Variants in ESRRB observed in about 807,000 individuals in gnomAD.
The protein encoded by ESRRB is estrogen related receptor beta, also known as steroid hormone receptor ERR2.
Under a neutral mutation model 46.0 loss-of-function variants are expected in ESRRB, and 16 were observed. The ratio of observed to expected loss-of-function variants is 0.35; its 90% CI spans 0.24 to 0.53. The LOEUF (loss-of-function observed/expected upper bound fraction) is 0.53, where lower values mean the gene tolerates loss of function less well. ESRRB is among the 20% of genes least tolerant of loss of function. The pLI, the probability that ESRRB is intolerant of heterozygous loss-of-function variation, is 0.93. For missense variants in ESRRB, 488 were observed against 607.4 expected (o/e 0.80, Z 2.07); for synonymous variants, 246 against 259.6 (o/e 0.95, Z 0.50).
At chr14:76,407,968 C>T (rs1052199501) in intron 1 of ESRRB, among the ~76,000 whole-genome samples, 3 of 152,314 alleles carry the variant, frequency 2.0e-5, no homozygotes, top group South Asian at 4.1e-4. Flanking sequence ...GCAGCCCAGC[C>T]CTAGCACAGA....
At chr14:76,401,478 C>T (rs200697573) in intron 1 of ESRRB, among the ~76,000 whole-genome samples, 4 of 152,152 alleles carry the variant, frequency 2.6e-5, no homozygotes, top group South Asian at 2.1e-4. Flanking sequence ...CTGGGGAGTT[C>T]GCCAAAGAAA....
chr14:76,500,178 AGGAG>A lies in ESRRB; in HGVS notation c.*1727_*1730del. 1.2e-6 allele frequency: 1 copy of A among 843,934 alleles called. No individual in the cohort carries two copies. The highest frequency in any genetic ancestry group is 1.8e-6 in the Non-Finnish European group (1 of 542,180). The allele number at this position is 843,934 out of a possible 1,614,324, so 52.3% of individuals were successfully genotyped here. A position where few individuals can be genotyped will look rare whatever the true frequency, so the allele number is the denominator to read the frequency against. On this transcript the variant is annotated 3_prime_UTR_variant, in exon 7 of 7. Coordinates refer to ENST00000644823, the MANE Select transcript of ESRRB (RefSeq NM_001379180.1). ...GGGACGTGCTGAGGTCATCCCAGAC[AGGAG>A]GGAGGGCTGGCTGAAATCCACAAAC...
intron 1 of ESRRB, among the ~76,000 whole-genome samples, chr14:76,421,282 GCTTAGAGGGCAAAT>G (rs1481052772): frequency 1.3e-5 from 2 of 152,136 alleles, no homozygotes; most frequent in Non-Finnish European, 2.9e-5. Context: ...CATCAGGATG[GCTTAGAGGGCAAAT>G]CTTTGCCTTT....
intron 3 of ESRRB, among the ~76,000 whole-genome samples, chr14:76,477,672 G>A (rs994082363): frequency 1.3e-5 from 2 of 152,220 alleles, no homozygotes; most frequent in Non-Finnish European, 2.9e-5. Context: ...AGAGCAGACA[G>A]GAAGCAAGGG....
intron 2 of ESRRB, among the ~76,000 whole-genome samples, chr14:76,442,449 C>A (rs1168917131): frequency 6.6e-6 from 1 of 151,914 alleles, no homozygotes; most frequent in African/African-American, 2.4e-5. Context: ...GCATTCCAGC[C>A]TGGGCAACAG....
intron 3 of ESRRB, among the ~76,000 whole-genome samples, chr14:76,468,405 C>A (rs1889215734): frequency 9.4e-6 from 1 of 105,826 alleles, no homozygotes; most frequent in African/African-American, 3.8e-5. Context: ...CCCCCCAACA[C>A]CACCACCCCC....
intron 2 of ESRRB, among the ~76,000 whole-genome samples, chr14:76,445,156 G>T (rs1353001177): frequency 1.5e-5 from 2 of 135,626 alleles, no homozygotes; most frequent in Non-Finnish European, 3.1e-5. Flanking sequence ...CTGGGCAACA[G>T]AGCTGGAGTT....
rs557928535 is a variant in ESRRB, at chr14:76,446,525, C to T, written c.460+6775C>T. 3.9e-5 allele frequency among the ~76,000 whole-genome samples: 6 copies of T among 151,934 alleles called. No individual in the cohort carries two copies. In the South Asian group the frequency reaches 8.3e-4, roughly 21 times the overall value. On this transcript the variant is annotated intron_variant, in intron 2 of 6. Coordinates refer to ENST00000644823, the MANE Select transcript of ESRRB (RefSeq NM_001379180.1). ...AGACCTCAACCTGATTGCATTTACT[C>T]GCATATCTAAAGAAAAAAAAATGCC... is the stretch of plus-strand genomic sequence containing the variant.
chr14:76,323,060 G>C (rs2139728534), intron 1 of ESRRB, among the ~76,000 whole-genome samples: 1 of 152,218 alleles, frequency 6.6e-6, no homozygotes, highest in South Asian at 2.1e-4. Flanking sequence ...GAATGCAGTG[G>C]GTGGGGGGCG....
At chr14:76,476,582 A>G (rs1566607366) in intron 3 of ESRRB, among the ~76,000 whole-genome samples, 1 of 152,234 alleles carries the variant, frequency 6.6e-6, no homozygotes, top group Admixed American at 6.5e-5. Flanking sequence ...TGCCCATTGT[A>G]TCAGTCAGTG....
intron 1 of ESRRB, among the ~76,000 whole-genome samples, chr14:76,327,180 G>C (rs544414615): frequency 4.6e-5 from 7 of 152,346 alleles, no homozygotes; most frequent in African/African-American, 1.4e-4. Context: ...CAAGAGGCCT[G>C]GTGTCCTGGT....
chr14:76,441,547 A>G (rs190806584), intron 2 of ESRRB, among the ~76,000 whole-genome samples: 2 of 152,268 alleles, frequency 1.3e-5, no homozygotes, highest in East Asian at 1.9e-4. Context: ...CCTGGGCTCA[A>G]ATGATCCACT....
intron 1 of ESRRB, among the ~76,000 whole-genome samples, chr14:76,358,327 G>A (rs7493987): frequency 0.31 from 3,404 of 10,842 alleles, 719 homozygotes; most frequent in Middle Eastern, 0.35. Context: ...AAAAAAAAAA[G>A]AAAGAAAGAA....
chr14:76,429,586 A>G (rs1887348690), intron 1 of ESRRB, among the ~76,000 whole-genome samples: 1 of 152,096 alleles, frequency 6.6e-6, no homozygotes, highest in African/African-American at 2.4e-5. Flanking sequence ...CCCCGTCTCT[A>G]CTAAAAATAC....
rs558892249 is a variant in ESRRB at position 76,442,189 on chromosome 14, A to G, written c.460+2439A>G. ...TCAGTTACTTCATCTAAAAAGTGAG[A>G]TATCAGCTGGGCGTGGTGGCTCACG... is the stretch of plus-strand genomic sequence containing the variant. On this transcript the variant is annotated intron_variant, in intron 2 of 6. Transcript: ENST00000644823. Among the ~76,000 whole-genome samples the G allele has an allele frequency of 2.0e-5, 3 of 152,204 alleles. No homozygotes were observed. In the South Asian group the frequency reaches 6.2e-4, roughly 32 times the overall value.
At chr14:76,353,701 C>G (rs932004169) in intron 1 of ESRRB, among the ~76,000 whole-genome samples, 2 of 152,168 alleles carry the variant, frequency 1.3e-5, no homozygotes, top group African/African-American at 4.8e-5. Flanking sequence ...CCTGTAATCC[C>G]AGCACTTCAG....
chr14:76,401,120 A>G (rs1466045768), intron 1 of ESRRB, among the ~76,000 whole-genome samples: 1 of 152,244 alleles, frequency 6.6e-6, no homozygotes, highest in African/African-American at 2.4e-5. Context: ...AGACGAGAAA[A>G]GGCACTAAAC....
At chr14:76,396,954 A>G (rs1315076354) in intron 1 of ESRRB, among the ~76,000 whole-genome samples, 1 of 152,180 alleles carries the variant, frequency 6.6e-6, no homozygotes, top group Non-Finnish European at 1.5e-5. Flanking sequence ...TCACCTGCCC[A>G]GGAAGCCATT....
chr14:76,499,884 G>A lies in ESRRB; in HGVS notation c.*1426G>A. 6.2e-7 allele frequency: 1 copy of A among 1,614,210 alleles called. No individual in the cohort carries two copies. The highest frequency in any genetic ancestry group is 8.5e-7 in the Non-Finnish European group (1 of 1,180,034). On this transcript the variant is annotated 3_prime_UTR_variant, in exon 7 of 7. Coordinates refer to ENST00000644823, the MANE Select transcript of ESRRB (RefSeq NM_001379180.1). ...ACAGGTTGGCCAAGAGCAGCTTAGA[G>A]GATCTCCCAAGGATGAAAGAATGTC...
Sources: allele counts gnomAD v4.1 joint callset (sites outside exome capture counted in the v4.1 genomes callset), GRCh38; gene constraint gnomAD v4.1.1; transcripts MANE v1.5; gene names NCBI Gene and HGNC (gene_info 2026-07-23, HGNC 2026-07-21).